The following CATSPERB variants were observed in gnomAD, a reference collection of about 807,000 sequenced individuals.
CATSPERB encodes the protein cation channel sperm-associated auxiliary subunit beta.
In CATSPERB, 93 loss-of-function variants were observed where a neutral mutation model predicts 128.3. The ratio of observed to expected loss-of-function variants is 0.72; its 90% confidence interval spans 0.61 to 0.86. CATSPERB has a LOEUF of 0.86. CATSPERB is among the 40% of genes least tolerant of loss of function. CATSPERB has a pLI of 0.00. For missense variants in CATSPERB, 1,153 were observed against 1,329.5 expected (o/e 0.87, Z 2.06); for synonymous variants, 381 against 448.8 (o/e 0.85, Z 1.91).
At chr14:91,600,601 C>T (rs1893593335) in intron 22 of CATSPERB, among the ~76,000 whole-genome samples, 1 of 152,204 alleles carries the variant, frequency 6.6e-6, no homozygotes, top group Non-Finnish European at 1.5e-5. Context: ...TCAACACATA[C>T]TTTTATGTAA....
intron 22 of CATSPERB, among the ~76,000 whole-genome samples, chr14:91,606,323 G>C (rs1893703023): frequency 6.6e-6 from 1 of 152,066 alleles, no homozygotes; most frequent in African/African-American, 2.4e-5. Context: ...AGCACTTTGA[G>C]AAGCCGAGGT....
In CATSPERB at chr14:91,621,723, T is replaced by C. The variant is rs1894047107; in HGVS notation, c.2145A>G (p.Ser715=). ...GTTGAAACCAATAATTACATGGTTT[T>C]GAATATATTTTCCATGTTCGTCCAT... ...QRNGRTWKIY[S]KPCNYWFQHD... The change falls in exon 19 of 27, where the codon TCA becomes TCG. Residue 715 remains serine (S), a synonymous_variant. Transcript: ENST00000256343. The C allele has an allele frequency of 6.2e-7, 1 of 1,613,828 alleles. No homozygotes were observed. Among genetic ancestry groups the C allele is most frequent in the South Asian group, 1.1e-5 (1 of 91,062 alleles).
chr14:91,722,739 C>T (rs374951591), intron 4 of CATSPERB, among the ~76,000 whole-genome samples: 3 of 152,018 alleles, frequency 2.0e-5, no homozygotes, highest in East Asian at 3.9e-4. Context: ...AATTATTTGC[C>T]AGCAGTTCTG....
intron 16 of CATSPERB, among the ~76,000 whole-genome samples, chr14:91,637,284 C>T (rs1196178468): frequency 6.6e-6 from 1 of 152,102 alleles, no homozygotes; most frequent in African/African-American, 2.4e-5. Context: ...ACACATCTGT[C>T]CCATAGTGCC....
At chr14:91,700,531 C>T (rs1240204849) in intron 7 of CATSPERB, among the ~76,000 whole-genome samples, 1 of 152,168 alleles carries the variant, frequency 6.6e-6, no homozygotes, top group East Asian at 1.9e-4. Flanking sequence ...GTGAATTCAT[C>T]TGGTCCAGGG....
chr14:91,621,706 C>A lies in CATSPERB; in HGVS notation c.2162G>T (p.Trp721Leu), dbSNP rs1446853997. Reference sequence around the variant, plus strand: ...GGATGGTGAATCATCATGTTGAAACCAATAATTACATGGTTTTGAATATAT... The same window carrying A: ...GGATGGTGAATCATCATGTTGAAACAAATAATTACATGGTTTTGAATATAT... Reference protein sequence around the residue: ...WKIYSKPCNYWFQHDDSPSLN... With the variant: ...WKIYSKPCNYLFQHDDSPSLN... Residue 721 changes from tryptophan (W) to leucine (L), a missense_variant, in exon 19 of 27, where the codon TGG becomes TTG. Coordinates refer to ENST00000256343, the MANE Select transcript of CATSPERB (RefSeq NM_024764.4). 1.2e-6 allele frequency: 2 copies of A among 1,613,712 alleles called. No homozygotes were observed. The highest frequency in any genetic ancestry group is 1.7e-6 in the Non-Finnish European group (2 of 1,179,658).
chr14:91,647,932 C>G (rs1242501939), intron 15 of CATSPERB, among the ~76,000 whole-genome samples: 1 of 152,168 alleles, frequency 6.6e-6, no homozygotes, highest in Non-Finnish European at 1.5e-5. Context: ...TTAAATTATT[C>G]TCAGCAGCAA....
rs973451588 is a variant in CATSPERB, at chr14:91,693,453, C to T, written c.643G>A (p.Gly215Arg). 2 of 1,613,802 alleles carry T rather than the reference C, an allele frequency of 1.2e-6. No individual in the cohort carries two copies. The highest frequency in any genetic ancestry group is 1.7e-6 in the Non-Finnish European group (2 of 1,179,886). The change falls in exon 8 of 27, where the codon GGA (glycine) becomes AGA (arginine). Residue 215 changes from glycine (G) to arginine (R), a missense_variant. Gly to Arg is a moderately radical substitution (Grantham distance 125). Transcript: ENST00000256343. Reference sequence around the variant, plus strand: ...GTGGTATCATAATCATGCCAGAATCCACCAAAGGTTATGCCTATGTAAACA... The same window carrying T: ...GTGGTATCATAATCATGCCAGAATCTACCAAAGGTTATGCCTATGTAAACA... ...DGVYIGITFG[G>R]FWHDYDTTWF...
At chr14:91,607,276 G>A (rs1164361902) in intron 22 of CATSPERB, among the ~76,000 whole-genome samples, 1 of 152,116 alleles carries the variant, frequency 6.6e-6, no homozygotes. Flanking sequence ...AGGTAAAACC[G>A]TAGTAAGCGA....
At chr14:91,597,793 T>C (rs1296379422) in intron 22 of CATSPERB, among the ~76,000 whole-genome samples, 2 of 152,172 alleles carry the variant, frequency 1.3e-5, no homozygotes, top group African/African-American at 4.8e-5. Flanking sequence ...TGTCAGTGTT[T>C]AAGATTTAGC....
At chr14:91,602,732 T>C (rs1246007687) in intron 22 of CATSPERB, among the ~76,000 whole-genome samples, 1 of 152,214 alleles carries the variant, frequency 6.6e-6, no homozygotes, top group East Asian at 1.9e-4. Context: ...AGCTGCATCA[T>C]AAAAACATTT....
intron 7 of CATSPERB, among the ~76,000 whole-genome samples, chr14:91,699,574 AC>A (rs996380991): frequency 6.6e-5 from 10 of 151,424 alleles, no homozygotes; most frequent in African/African-American, 2.4e-4. Flanking sequence ...TGATGAATTA[AC>A]TTTTTTTTTT....
chr14:91,595,488 C>T (rs543886070), intron 22 of CATSPERB, among the ~76,000 whole-genome samples: 14 of 151,990 alleles, frequency 9.2e-5, no homozygotes, highest in Admixed American at 4.6e-4. Flanking sequence ...TTTTTAAAGC[C>T]GAGCCCAACC....
intron 15 of CATSPERB, among the ~76,000 whole-genome samples, chr14:91,653,132 T>C (rs1894736411): frequency 6.6e-6 from 1 of 152,196 alleles, no homozygotes; most frequent in African/African-American, 2.4e-5. Context: ...AACTTCGTCA[T>C]TTAAAATCGT....
intron 5 of CATSPERB, among the ~76,000 whole-genome samples, chr14:91,719,054 C>T (rs894035272): frequency 6.6e-6 from 1 of 152,232 alleles, no homozygotes; most frequent in South Asian, 2.1e-4. Flanking sequence ...TAAAATAACA[C>T]ATATTTATAG....
At chr14:91,718,197 C>T (rs967522464) in intron 5 of CATSPERB, among the ~76,000 whole-genome samples, 1 of 152,140 alleles carries the variant, frequency 6.6e-6, no homozygotes, top group Non-Finnish European at 1.5e-5. Context: ...AAAATAAGTA[C>T]AGTTTTCAAG....
intron 18 of CATSPERB, among the ~76,000 whole-genome samples, chr14:91,622,605 C>T (rs1205635023): frequency 6.6e-6 from 1 of 152,150 alleles, no homozygotes; most frequent in Non-Finnish European, 1.5e-5. Context: ...GTCATCAATA[C>T]TCTCTTACTC....
chr14:91,635,606 C>T (rs1212053959), intron 17 of CATSPERB: 1 of 152,148 alleles, frequency 6.6e-6, no homozygotes, highest in Non-Finnish European at 1.5e-5. Context: ...GATCTGCTGG[C>T]CTTGGCCTCC....
chr14:91,604,307 A>C, intron 22 of CATSPERB: 1 of 726,768 alleles, frequency 1.4e-6, no homozygotes, highest in Non-Finnish European at 2.5e-6. Flanking sequence ...TGTGGTTTCC[A>C]AACAAGAAAA....
Sources: allele counts gnomAD v4.1 joint callset (sites outside exome capture counted in the v4.1 genomes callset), GRCh38; gene constraint gnomAD v4.1.1; transcripts MANE v1.5; gene names NCBI Gene and HGNC (gene_info 2026-07-23, HGNC 2026-07-21).